The following ITGBL1 variants were observed in gnomAD, a reference collection of about 807,000 sequenced individuals.
The protein encoded by ITGBL1 is integrin subunit beta like 1.
Under a neutral mutation model 68.5 loss-of-function variants are expected in ITGBL1, and 51 were observed. The ratio of observed to expected loss-of-function variants is 0.74; its 90% CI spans 0.59 to 0.94. ITGBL1 has a LOEUF of 0.94. Among genes scored for constraint, ITGBL1 ranks in the 40% least tolerant of loss-of-function variants. ITGBL1 has a pLI of 0.00. For missense variants in ITGBL1, 649 were observed against 647.4 expected (o/e 1.00, Z -0.03); for synonymous variants, 209 against 227.3 (o/e 0.92, Z 0.72).
At chr13:101,600,160 G>T (rs2030270278) in intron 7 of ITGBL1, among the ~76,000 whole-genome samples, 1 of 152,272 alleles carries the variant, frequency 6.6e-6, no homozygotes, top group African/African-American at 2.4e-5. Context: ...CACATCCCTT[G>T]TAAGTTGGAT....
chr13:101,506,837 C>A (rs1416435640), intron 2 of ITGBL1, among the ~76,000 whole-genome samples: 1 of 152,092 alleles, frequency 6.6e-6, no homozygotes. Context: ...GACATGAAAA[C>A]AAAATATGCT....
chr13:101,522,066 G>A (rs778128609), intron 2 of ITGBL1, among the ~76,000 whole-genome samples: 4 of 151,988 alleles, frequency 2.6e-5, no homozygotes, highest in Non-Finnish European at 5.9e-5. Flanking sequence ...AGAAGAGAAA[G>A]AGATTGAGTG....
At chr13:101,585,094 G>GGT (rs2050528933) in intron 6 of ITGBL1, among the ~76,000 whole-genome samples, 1 of 152,032 alleles carries the variant, frequency 6.6e-6, no homozygotes, top group Non-Finnish European at 1.5e-5. Flanking sequence ...AGAACTGGGG[G>GGT]GCTTTTTACC....
At chr13:101,661,790 A>T (rs191266291) in intron 7 of ITGBL1, among the ~76,000 whole-genome samples, 111 of 152,300 alleles carry the variant, frequency 7.3e-4, no homozygotes, top group African/African-American at 2.5e-3. Context: ...GAAACTTAGA[A>T]AAGACTAGGT....
intron 7 of ITGBL1, among the ~76,000 whole-genome samples, chr13:101,652,878 A>C (rs937593620): frequency 6.6e-5 from 10 of 152,220 alleles, no homozygotes; most frequent in African/African-American, 1.9e-4. Flanking sequence ...CGGGCAGATC[A>C]CTGGAGGTCG....
At chr13:101,527,051 C>T (rs2139149462) in intron 2 of ITGBL1, among the ~76,000 whole-genome samples, 1 of 152,140 alleles carries the variant, frequency 6.6e-6, no homozygotes, top group African/African-American at 2.4e-5. Context: ...AAAATTCAGA[C>T]ACCCTAGTTA....
intron 7 of ITGBL1, among the ~76,000 whole-genome samples, chr13:101,685,958 G>C (rs2033745117): frequency 6.6e-6 from 1 of 152,126 alleles, no homozygotes; most frequent in Non-Finnish European, 1.5e-5. Flanking sequence ...AGATGGTACA[G>C]AGAATTGGCC....
At chr13:101,487,954 G>A (rs544316780) in intron 2 of ITGBL1, among the ~76,000 whole-genome samples, 14 of 152,312 alleles carry the variant, frequency 9.2e-5, no homozygotes, top group African/African-American at 3.4e-4. Flanking sequence ...GGGCCTGACT[G>A]CAAACAGCCA....
chr13:101,508,957 C>T (rs1261137875), intron 2 of ITGBL1, among the ~76,000 whole-genome samples: 2 of 152,018 alleles, frequency 1.3e-5, no homozygotes, highest in African/African-American at 4.8e-5. Context: ...TAATAGAAAA[C>T]ATTGACTAAG....
At chr13:101,616,568 C>T (rs2031370897) in intron 7 of ITGBL1, among the ~76,000 whole-genome samples, 1 of 151,962 alleles carries the variant, frequency 6.6e-6, no homozygotes, top group Non-Finnish European at 1.5e-5. Flanking sequence ...TCAGCTCACT[C>T]CAGCCTCCGC....
At chr13:101,460,899 C>A (rs1460195371) in intron 2 of ITGBL1, among the ~76,000 whole-genome samples, 1 of 152,138 alleles carries the variant, frequency 6.6e-6, no homozygotes, top group Non-Finnish European at 1.5e-5. Context: ...AGGGATCCAC[C>A]CCCATAACCC....
At chr13:101,659,357 T>C (rs1201335366) in intron 7 of ITGBL1, among the ~76,000 whole-genome samples, 1 of 152,202 alleles carries the variant, frequency 6.6e-6, no homozygotes, top group Non-Finnish European at 1.5e-5. Context: ...ATAACAAATA[T>C]TTTAGTTAGG....
In ITGBL1 at chr13:101,593,488, T is replaced by C. The variant is rs542280066; in HGVS notation, c.869-4665T>C. 3.2e-3 allele frequency among the ~76,000 whole-genome samples: 483 copies of C among 152,132 alleles called. 2 individuals are homozygous for C. Among genetic ancestry groups the C allele is most frequent in the African/African-American group, 0.011 (460 of 41,540 alleles). On this transcript the variant is annotated intron_variant, in intron 6 of 10. Coordinates refer to ENST00000376180, the MANE Select transcript of ITGBL1 (RefSeq NM_004791.3). ...TATCTGTACCCCTTTATTGCAGCACTATTTACAGTAGTCAAGATATGGAAT... is the reference window on the plus strand; with the variant it reads ...TATCTGTACCCCTTTATTGCAGCACCATTTACAGTAGTCAAGATATGGAAT...
intron 7 of ITGBL1, among the ~76,000 whole-genome samples, chr13:101,608,463 GTTTA>G (rs1162113753): frequency 1.3e-5 from 2 of 151,554 alleles, no homozygotes; most frequent in African/African-American, 2.4e-5. Context: ...TTTACAGAGA[GTTTA>G]TTTATTTGGA....
intron 2 of ITGBL1, among the ~76,000 whole-genome samples, chr13:101,468,806 A>C (rs2048419232): frequency 1.3e-5 from 2 of 152,192 alleles, no homozygotes; most frequent in South Asian, 4.1e-4. Flanking sequence ...ACTGGGACAA[A>C]ATTACTTGTC....
Position 101,585,634 on chromosome 13 carries a change from G to A in ITGBL1, c.868+2278G>A, listed in dbSNP as rs1400677599. 5.3e-5 allele frequency among the ~76,000 whole-genome samples: 8 copies of A among 152,102 alleles called. No homozygotes were observed. In the East Asian group the frequency reaches 1.2e-3, roughly 22 times the overall value. On this transcript the variant is annotated intron_variant, in intron 6 of 10. Coordinates refer to ENST00000376180, the MANE Select transcript of ITGBL1 (RefSeq NM_004791.3). ...TTTTAGTAGAGAAGGGTTTCACTGT[G>A]TTAGCCAGGATGGTCTCAATCTCCT...
chr13:101,541,286 G>A (rs1287400376), intron 2 of ITGBL1, among the ~76,000 whole-genome samples: 1 of 151,880 alleles, frequency 6.6e-6, no homozygotes, highest in East Asian at 1.9e-4. Flanking sequence ...TTTGTCAAAG[G>A]CCTTTTCTGC....
intron 2 of ITGBL1, among the ~76,000 whole-genome samples, chr13:101,538,417 A>C (rs1240790346): frequency 6.6e-6 from 1 of 152,124 alleles, no homozygotes; most frequent in Non-Finnish European, 1.5e-5. Context: ...AAGGCTTTCA[A>C]ATAGTAAACA....
At chr13:101,698,033 T>G (rs1185544417) in intron 8 of ITGBL1, among the ~76,000 whole-genome samples, 1 of 152,166 alleles carries the variant, frequency 6.6e-6, no homozygotes, top group Non-Finnish European at 1.5e-5. Context: ...CTTACTAATA[T>G]GAGAATGTGA....
Sources: allele counts gnomAD v4.1 joint callset (sites outside exome capture counted in the v4.1 genomes callset), GRCh38; gene constraint gnomAD v4.1.1; transcripts MANE v1.5; gene names NCBI Gene and HGNC (gene_info 2026-07-23, HGNC 2026-07-21).